FCHSD2: variants seen among roughly 807,000 people sequenced by gnomAD.
FCHSD2 encodes the protein F-BAR and double SH3 domains protein 2.
A neutral mutation model predicts 108.1 loss-of-function variants in FCHSD2; 38 were observed. The observed-to-expected ratio is 0.35, with a 90% CI of 0.27 to 0.46. The LOEUF (loss-of-function observed/expected upper bound fraction) is 0.46. Among genes scored for constraint, FCHSD2 ranks in the 20% least tolerant of loss-of-function variants. FCHSD2 has a pLI of 1.00. For missense variants in FCHSD2, 751 were observed against 897.8 expected (o/e 0.84, Z 2.09); for synonymous variants, 279 against 314.7 (o/e 0.89, Z 1.20).
chr11:72,940,493 C>A, intron 8 of FCHSD2: 1 of 750,508 alleles, frequency 1.3e-6, no homozygotes, highest in South Asian at 1.5e-5. Context: ...ATCAGGTAAG[C>A]CAAGATGGGT....
intron 3 of FCHSD2, among the ~76,000 whole-genome samples, chr11:73,031,472 G>A (rs1004246183): frequency 4.0e-5 from 6 of 149,562 alleles, no homozygotes; most frequent in Admixed American, 6.7e-5. Flanking sequence ...CCCTGTCTCC[G>A]AAAAAAAAAG....
chr11:72,966,950 G>A (rs1856919371), intron 8 of FCHSD2, among the ~76,000 whole-genome samples: 2 of 152,258 alleles, frequency 1.3e-5, no homozygotes, highest in South Asian at 2.1e-4. Context: ...TGTAATCCCA[G>A]CACTTTGGGA....
chr11:73,118,903 T>C (rs981065249), intron 2 of FCHSD2, among the ~76,000 whole-genome samples: 1 of 152,224 alleles, frequency 6.6e-6, no homozygotes, highest in Non-Finnish European at 1.5e-5. Context: ...AGCCCTCTCT[T>C]AGACACATAC....
At chr11:72,953,981 T>C (rs1591431449) in intron 8 of FCHSD2, among the ~76,000 whole-genome samples, 1 of 152,090 alleles carries the variant, frequency 6.6e-6, no homozygotes. Flanking sequence ...TTCTGAATTT[T>C]AAATTTAGTG....
At chr11:72,868,665 T>C (rs1196197265) in intron 12 of FCHSD2, among the ~76,000 whole-genome samples, 1 of 151,884 alleles carries the variant, frequency 6.6e-6, no homozygotes, top group African/African-American at 2.4e-5. Flanking sequence ...CACTCCCGCC[T>C]GGGTGACAGA....
intron 13 of FCHSD2, among the ~76,000 whole-genome samples, chr11:72,862,030 A>G: frequency 6.6e-6 from 1 of 152,128 alleles, no homozygotes; most frequent in East Asian, 1.9e-4. Flanking sequence ...ATGCAATTAC[A>G]CCATATTAGC....
chr11:72,841,590 C>A lies in FCHSD2; in HGVS notation c.1927-7G>T. The A allele has an allele frequency of 6.3e-7, 1 of 1,595,850 alleles. No individual in the cohort carries two copies. Among genetic ancestry groups the A allele is most frequent in the Non-Finnish European group, 8.5e-7 (1 of 1,172,272 alleles). ...GCTTGGGGGAAGGAGAGATCTGCAG[C>A]AAAGGGAAGCGAGGTTACCCGGTGC... On this transcript the variant is annotated splice_polypyrimidine_tract_variant and splice_region_variant and intron_variant, in intron 17 of 19. Coordinates refer to ENST00000409418, the MANE Select transcript of FCHSD2 (RefSeq NM_014824.3).
At chr11:73,107,515 C>A (rs1168833689) in intron 2 of FCHSD2, among the ~76,000 whole-genome samples, 3 of 152,074 alleles carry the variant, frequency 2.0e-5, no homozygotes, top group African/African-American at 7.2e-5. Flanking sequence ...CAATTGTCAC[C>A]CTGTTGTGCT....
At chr11:72,914,711 T>A (rs1855835628) in intron 9 of FCHSD2, among the ~76,000 whole-genome samples, 1 of 152,136 alleles carries the variant, frequency 6.6e-6, no homozygotes, top group African/African-American at 2.4e-5. Context: ...ACCCCTTCCT[T>A]ACACCATATA....
intron 2 of FCHSD2, among the ~76,000 whole-genome samples, chr11:73,129,338 CACACA>C (rs1860937322): frequency 6.6e-6 from 1 of 152,202 alleles, no homozygotes; most frequent in Admixed American, 6.5e-5. Context: ...GGAACTGGGA[CACACA>C]ACAGGAGGTG....
At chr11:72,895,555 T>A (rs996397589) in intron 10 of FCHSD2, among the ~76,000 whole-genome samples, 3 of 152,144 alleles carry the variant, frequency 2.0e-5, no homozygotes, top group Non-Finnish European at 4.4e-5. Flanking sequence ...CAGGCTCCTA[T>A]TGTCAGCACA....
At chr11:73,101,786 G>A (rs1440171763) in intron 2 of FCHSD2, among the ~76,000 whole-genome samples, 1 of 151,756 alleles carries the variant, frequency 6.6e-6, no homozygotes, top group Non-Finnish European at 1.5e-5. Flanking sequence ...TAAAAACACT[G>A]ATACCTATTC....
Position 72,884,568 on chromosome 11 carries a change from GATATATATAAAAGATCATATAT to G in FCHSD2, c.1146+2880_1146+2901del, listed in dbSNP as rs568546650. On this transcript the variant is annotated intron_variant, in intron 12 of 19. Coordinates refer to ENST00000409418, the MANE Select transcript of FCHSD2 (RefSeq NM_014824.3). The stretch of plus-strand genomic sequence containing the variant: ...CATATATATAGTTTATATATATGAT[GATATATATAAAAGATCATATAT>G]ATATATATAAAAGATCATATATATA... Among the ~76,000 whole-genome samples the G allele has an allele frequency of 5.6e-3, 815 of 146,664 alleles. 5 individuals carry two copies. Among genetic ancestry groups the G allele is most frequent in the Middle Eastern group, 0.018 (5 of 280 alleles).
intron 14 of FCHSD2, among the ~76,000 whole-genome samples, chr11:72,843,882 C>G (rs1231748362): frequency 2.0e-5 from 3 of 151,886 alleles, no homozygotes; most frequent in African/African-American, 4.8e-5. Flanking sequence ...GTGGAACATG[C>G]CTGTAGTCCC....
chr11:72,975,219 T>C (rs1857081757), intron 8 of FCHSD2, among the ~76,000 whole-genome samples: 1 of 152,230 alleles, frequency 6.6e-6, no homozygotes, highest in Non-Finnish European at 1.5e-5. Context: ...ATTTATCCAC[T>C]GACGGACATT....
intron 3 of FCHSD2, among the ~76,000 whole-genome samples, chr11:73,026,999 T>C (rs1259667841): frequency 2.0e-5 from 3 of 152,150 alleles, no homozygotes; most frequent in Non-Finnish European, 4.4e-5. Context: ...CAGTCTCAGC[T>C]AGTTCTTTAT....
At chr11:72,887,771 G>A (rs1855229163) in intron 11 of FCHSD2, among the ~76,000 whole-genome samples, 197 bp from the exon 12 acceptor site, 1 of 152,108 alleles carries the variant, frequency 6.6e-6, no homozygotes, top group South Asian at 2.1e-4. Flanking sequence ...CCCTTCAGTG[G>A]GGAAGCCAGG....
In FCHSD2 at chr11:72,984,098, T is replaced by G; in HGVS notation, c.695A>C (p.Asn232Thr). 6.2e-7 allele frequency: 1 copy of G among 1,612,478 alleles called. No homozygotes were observed. ...QDRYYQTDLV[N>T]IMKALDGNVY... The stretch of plus-strand genomic sequence containing the variant: ...TGAAAGCTGTATTACCTTCATAATG[T>G]TAACTAAATCTGTTTGATAGTAGCG... Residue 232 changes from asparagine to threonine, a missense_variant, in exon 8 of 20, where the codon AAC becomes ACC. By Grantham distance (65) the Asn-to-Thr change is moderately conservative. Transcript: ENST00000409418.
chr11:73,133,587 T>C (rs996322877), intron 2 of FCHSD2, among the ~76,000 whole-genome samples: 2 of 152,050 alleles, frequency 1.3e-5, no homozygotes, highest in Admixed American at 1.3e-4. Context: ...ACCCCATCTC[T>C]ACTAAACATC....
Sources: allele counts gnomAD v4.1 joint callset (sites outside exome capture counted in the v4.1 genomes callset), GRCh38; gene constraint gnomAD v4.1.1; transcripts MANE v1.5; gene names NCBI Gene and HGNC (gene_info 2026-07-23, HGNC 2026-07-21).